The following RBM26 variants were observed in gnomAD, a reference collection of about 807,000 sequenced individuals.
The protein encoded by RBM26 is RNA binding motif protein 26.
In RBM26, 30 loss-of-function variants were observed where a neutral mutation model predicts 123.6. That is an observed-to-expected ratio of 0.24 (90% CI 0.18 to 0.33). The LOEUF (loss-of-function observed/expected upper bound fraction) is 0.33. RBM26 is among the 10% of genes least tolerant of loss of function. The probability of loss-of-function intolerance (pLI) is 1.00; values close to 1 mark genes in which losing one functional copy is unlikely to be tolerated. For synonymous variants in RBM26, 400 were observed against 404.4 expected, an observed-to-expected ratio of 0.99 and a Z score of 0.13; for missense variants, 947 against 1,203.6, an observed-to-expected ratio of 0.79 and a Z score of 3.15.
intron 1 of RBM26, among the ~76,000 whole-genome samples, chr13:79,397,578 A>C (rs2078685843): frequency 6.7e-6 from 1 of 149,938 alleles, no homozygotes; most frequent in African/African-American, 2.5e-5. Flanking sequence ...GTTACTCGGA[A>C]GACTGAGGCA....
intron 1 of RBM26, among the ~76,000 whole-genome samples, chr13:79,391,576 A>G (rs1307910208): frequency 6.6e-6 from 1 of 151,832 alleles, no homozygotes; most frequent in Admixed American, 6.6e-5. Flanking sequence ...GGCGCCCACC[A>G]CAACACCAGG....
At chr13:79,359,486 A>G in intron 10 of RBM26, 89 bp downstream of exon 10, 2 of 663,136 alleles carry the variant, frequency 3.0e-6, no homozygotes, top group Non-Finnish European at 2.6e-6. Flanking sequence ...CATTTTTGGA[A>G]GAAACCAAAC....
At chr13:79,324,048 C>G (rs1293627815) in intron 20 of RBM26, among the ~76,000 whole-genome samples, 2 of 151,640 alleles carry the variant, frequency 1.3e-5, no homozygotes, top group African/African-American at 2.4e-5. Flanking sequence ...TTAAACAATT[C>G]CTTCTGTAAC....
intron 20 of RBM26, among the ~76,000 whole-genome samples, chr13:79,329,480 G>A (rs1566312414): frequency 6.6e-6 from 1 of 151,786 alleles, no homozygotes; most frequent in East Asian, 1.9e-4. Context: ...ATAAACCAAA[G>A]CTCCTTAGAG....
chr13:79,405,802 T>C lies in RBM26; in HGVS notation c.-28A>G. On this transcript the variant is annotated 5_prime_UTR_variant, in exon 1 of 22. Transcript: ENST00000438737. ...ACAGCGGCCCTAAGGCCCGTCACAC[T>C]CCTCCGCCCGCCCAGGTCGCGGCCG... 2.1e-6 allele frequency: 3 copies of C among 1,442,332 alleles called. No individual in the cohort carries two copies. The highest frequency in any genetic ancestry group is 1.4e-5 in the South Asian group (1 of 72,132). The allele number at this position is 1,442,332 out of a possible 1,614,324, so 89.3% of individuals were successfully genotyped here. A position where few individuals can be genotyped will look rare whatever the true frequency, so the allele number is the denominator to read the frequency against.
chr13:79,335,401 G>A (rs2070181662), intron 19 of RBM26, among the ~76,000 whole-genome samples: 1 of 152,062 alleles, frequency 6.6e-6, no homozygotes, highest in Non-Finnish European at 1.5e-5. Flanking sequence ...GGGCATACCT[G>A]CCACAAAGTA....
chr13:79,333,346 A>AT (rs1054983494), intron 20 of RBM26, among the ~76,000 whole-genome samples: 5 of 151,818 alleles, frequency 3.3e-5, no homozygotes, highest in African/African-American at 1.2e-4. Context: ...CCAAAACTAG[A>AT]TTTTTTCAAG....
chr13:79,371,077 G>A lies in RBM26; in HGVS notation c.502C>T (p.Arg168Trp), dbSNP rs1167805039. ...NPPRRDSYRD[R>W]YNRRRGRSRS... Reference sequence around the variant, plus strand: ...CTCCGCCCTCGTCTTCTATTGTACCGGTCTCTGTATGAATCTCTTCGAGGA... The same window carrying A: ...CTCCGCCCTCGTCTTCTATTGTACCAGTCTCTGTATGAATCTCTTCGAGGA... The change falls in exon 5 of 22, where the codon CGG becomes TGG. Residue 168 changes from arginine to tryptophan, a missense_variant. Arg to Trp is a moderately radical substitution (Grantham distance 101). Transcript: ENST00000438737. 3.7e-6 allele frequency: 6 copies of A among 1,613,910 alleles called. No individual in the cohort carries two copies. Among genetic ancestry groups the A allele is most frequent in the Non-Finnish European group, 5.1e-6 (6 of 1,179,960 alleles).
At chr13:79,352,102 G>T (rs555776983) in intron 14 of RBM26, among the ~76,000 whole-genome samples, 1 of 152,152 alleles carries the variant, frequency 6.6e-6, no homozygotes, top group African/African-American at 2.4e-5. Flanking sequence ...AGATGCCCAA[G>T]AGCAAAGTCT....
intron 3 of RBM26, among the ~76,000 whole-genome samples, chr13:79,375,786 TTATAA>T (rs2076622076): frequency 6.6e-6 from 1 of 151,660 alleles, no homozygotes; most frequent in Admixed American, 6.6e-5. Context: ...AGATTACATA[TTATAA>T]TATATATTTT....
rs1245125526 is a variant in RBM26 at position 79,319,995 on chromosome 13, CT to C, written c.*625del. ...TGTCATTGCTTTTCTCTTTTCTTTC[CT>C]TTTTTTTTTTTAAAGAGACCATTCC... On this transcript the variant is annotated 3_prime_UTR_variant, in exon 22 of 22. Coordinates refer to ENST00000438737, the MANE Select transcript of RBM26 (RefSeq NM_001366735.2). 38,477 of 361,902 alleles carry C rather than the reference CT, an allele frequency of 0.11. 2 individuals carry two copies. Among genetic ancestry groups the C allele is most frequent in the South Asian group, 0.11 (814 of 7,246 alleles). The allele number at this position is 361,902 out of a possible 1,614,324, so 22.4% of individuals were successfully genotyped here. A position where few individuals can be genotyped will look rare whatever the true frequency, so the allele number is the denominator to read the frequency against.
At chr13:79,315,228 T>C (rs915762808), downstream of RBM26, among the ~76,000 whole-genome samples, 6 of 151,804 alleles carry the variant, frequency 4.0e-5, no homozygotes, top group African/African-American at 9.7e-5. Flanking sequence ...GATCACAGCA[T>C]ACAACATATC....
At chr13:79,401,035 A>G (rs1412445888) in intron 1 of RBM26, among the ~76,000 whole-genome samples, 2 of 152,198 alleles carry the variant, frequency 1.3e-5, no homozygotes, top group African/African-American at 2.4e-5. Context: ...TTTCCTAAAG[A>G]ATGGGAAATG....
rs1370841038 is a variant in RBM26, at chr13:79,344,296, T to C, written c.2211A>G (p.Val737=). Residue 737 remains valine (V), a synonymous_variant, in exon 16 of 22, where the codon GTA becomes GTG. Coordinates refer to ENST00000438737, the MANE Select transcript of RBM26 (RefSeq NM_001366735.2). ...KQEALKLQQD[V]RKRKQEILEK... is the part of the protein sequence containing the mutation. The stretch of plus-strand genomic sequence containing the variant: ...CTAAAATTTCTTGTTTCCTTTTCCT[T>C]ACATCCTGCTGAAGTTTCAATGCCT... The C allele has an allele frequency of 1.2e-6, 2 of 1,610,252 alleles. No individual in the cohort carries two copies. Among genetic ancestry groups the C allele is most frequent in the Non-Finnish European group, 1.7e-6 (2 of 1,176,830 alleles).
At chr13:79,397,365 C>T (rs1416161543) in intron 1 of RBM26, among the ~76,000 whole-genome samples, 1 of 151,928 alleles carries the variant, frequency 6.6e-6, no homozygotes, top group African/African-American at 2.4e-5. Context: ...AAGACATGGA[C>T]GTCCACTCTT....
chr13:79,402,858 T>A, intron 1 of RBM26, among the ~76,000 whole-genome samples: 1 of 15,668 alleles, frequency 6.4e-5, no homozygotes, highest in Admixed American at 1.2e-3. Flanking sequence ...TTTCATGTCT[T>A]GTTACCTACT....
intron 1 of RBM26, among the ~76,000 whole-genome samples, chr13:79,396,300 A>T (rs1180918003): frequency 2.0e-5 from 3 of 152,214 alleles, no homozygotes; most frequent in African/African-American, 7.2e-5. Flanking sequence ...AAAATAAAAC[A>T]CTGAAATAGA....
chr13:79,377,369 A>C lies in RBM26; in HGVS notation c.327+10T>G. The C allele has an allele frequency of 6.2e-7, 1 of 1,612,006 alleles. No homozygotes were observed. Among genetic ancestry groups the C allele is most frequent in the Admixed American group, 1.7e-5 (1 of 59,960 alleles). The stretch of plus-strand genomic sequence containing the variant: ...TAAATAACCTGTAAGGTATTAACAC[A>C]AATCGTTACCTCTTCCTTCTTTATA... On this transcript the variant is annotated intron_variant, in intron 3 of 21. Transcript: ENST00000438737.
chr13:79,362,209 T>C (rs2074775775), intron 9 of RBM26, among the ~76,000 whole-genome samples: 1 of 152,162 alleles, frequency 6.6e-6, no homozygotes, highest in Non-Finnish European at 1.5e-5. Context: ...GCTGTCCTTC[T>C]CAATGAATGA....
Sources: gnomAD v4.1 joint callset for allele counts (sites outside exome capture counted in the v4.1 genomes callset) on GRCh38, gnomAD v4.1.1 for gene constraint, MANE v1.5 for transcripts, NCBI Gene and HGNC (gene_info 2026-07-23, HGNC 2026-07-21) for gene names.